The following UNC5B variants were observed in gnomAD, a reference collection of about 807,000 sequenced individuals.
UNC5B encodes the protein unc-5 netrin receptor B, also known as netrin receptor UNC5B.
A neutral mutation model predicts 103.7 loss-of-function variants in UNC5B; 56 were observed. The ratio of observed to expected loss-of-function variants is 0.54; its 90% confidence interval spans 0.44 to 0.67. The LOEUF (loss-of-function observed/expected upper bound fraction) is 0.67, where lower values mean the gene tolerates loss of function less well. Among genes scored for constraint, UNC5B ranks in the 30% least tolerant of loss-of-function variants. The pLI is 0.00. For synonymous variants in UNC5B, 577 were observed against 542.0 expected, an observed-to-expected ratio of 1.06 and a Z score of -0.90; for missense variants, 1,194 against 1,284.5, an observed-to-expected ratio of 0.93 and a Z score of 1.08.
At chr10:71,223,465 T>C (rs1305766694) in intron 1 of UNC5B, among the ~76,000 whole-genome samples, 1 of 152,156 alleles carries the variant, frequency 6.6e-6, no homozygotes, top group Non-Finnish European at 1.5e-5. Flanking sequence ...CTTGCTTTCT[T>C]TGAGCACTTA....
intron 1 of UNC5B, among the ~76,000 whole-genome samples, chr10:71,241,583 T>C (rs1182136207): frequency 6.6e-6 from 1 of 152,054 alleles, no homozygotes; most frequent in Non-Finnish European, 1.5e-5. Context: ...ATCGGGCACA[T>C]CTAGCTCTGT....
chr10:71,298,647 T>G (rs915968544), intron 16 of UNC5B, among the ~76,000 whole-genome samples: 43 of 152,050 alleles, frequency 2.8e-4, no homozygotes, highest in Non-Finnish European at 4.4e-5. Context: ...GATAAGACAT[T>G]TTACTAGAAA....
At position 71,258,210 on chromosome 10, in the gene UNC5B, T is replaced by G. The variant is rs572409289; in HGVS notation, c.80-21611T>G. Among the ~76,000 whole-genome samples the G allele has an allele frequency of 9.3e-4, 142 of 152,288 alleles. 2 individuals carry two copies. The highest frequency in any genetic ancestry group is 8.2e-3 in the Admixed American group (125 of 15,302). On this transcript the variant is annotated intron_variant, in intron 1 of 16. Transcript: ENST00000335350. ...CTCTATCCTGCGGATGTTGGGCTCT[T>G]TCCACTGAGTAAGGTTCCCTCACTC...
intron 1 of UNC5B, among the ~76,000 whole-genome samples, chr10:71,248,365 G>GC (rs1054170763): frequency 3.3e-5 from 5 of 152,120 alleles, no homozygotes; most frequent in Admixed American, 3.3e-4. Context: ...CTGGAGAAAA[G>GC]CCCCCCGCAC....
At position 71,213,012 on chromosome 10, in the gene UNC5B, C is replaced by T. The variant is rs1843258916; in HGVS notation, c.27C>T (p.Gly9=). The part of the protein sequence containing the change: MGARSGAR[G]ALLLALLLCW... ...TGGGGGCCCGGAGCGGAGCTCGGGG[C>T]GCGCTGCTGCTGGCACTGCTGCTCT... The change falls in exon 1 of 17, where the codon GGC becomes GGT. Residue 9 remains glycine, a synonymous_variant. Coordinates refer to ENST00000335350, the MANE Select transcript of UNC5B (RefSeq NM_170744.5). This position sits in a 1 kb window ranked among gnomAD's most constrained non-coding sequence, Gnocchi z 4.1. The T allele has an allele frequency of 4.2e-6, 6 of 1,413,822 alleles. No individual in the cohort carries two copies. Among genetic ancestry groups the T allele is most frequent in the East Asian group, 2.8e-5 (1 of 36,026 alleles). The allele number at this position is 1,413,822 out of a possible 1,614,324, so 87.6% of individuals were successfully genotyped here.
chr10:71,238,145 G>GC (rs1201941044), intron 1 of UNC5B, among the ~76,000 whole-genome samples: 1 of 152,150 alleles, frequency 6.6e-6, no homozygotes, highest in Non-Finnish European at 1.5e-5. Context: ...GGTGCTGGGA[G>GC]CCCCCCTGCC....
chr10:71,292,549 T>C lies in UNC5B; in HGVS notation c.1767T>C (p.Ser589=). ...ATCTACTCATCAACAAGGCAGAAAG[T>C]ACCCTGTGAGTAGAGCCCCAGCCGC... ...EMYLLINKAE[S]TLPLSEGTQT... Residue 589 remains serine, a synonymous_variant, in exon 11 of 17, where the codon AGT becomes AGC. Coordinates refer to ENST00000335350, the MANE Select transcript of UNC5B (RefSeq NM_170744.5). 1.2e-6 allele frequency: 2 copies of C among 1,601,284 alleles called. No individual in the cohort carries two copies. The highest frequency in any genetic ancestry group is 1.7e-6 in the Non-Finnish European group (2 of 1,173,904).
At chr10:71,242,217 CTG>C (rs10567250) in intron 1 of UNC5B, among the ~76,000 whole-genome samples, 2,498 of 152,312 alleles carry the variant, frequency 0.016, 71 homozygotes, top group African/African-American at 0.056. Flanking sequence ...GGCCCAGACC[CTG>C]TGTCTGTTAC....
At chr10:71,274,389 A>G (rs1844719180) in intron 1 of UNC5B, among the ~76,000 whole-genome samples, 2 of 152,242 alleles carry the variant, frequency 1.3e-5, no homozygotes, top group South Asian at 4.1e-4. Context: ...TAAAATAGAA[A>G]TTAGAAGTCT....
At chr10:71,223,637 G>A (rs1843493804) in intron 1 of UNC5B, among the ~76,000 whole-genome samples, 1 of 152,168 alleles carries the variant, frequency 6.6e-6, no homozygotes, top group Admixed American at 6.5e-5. Flanking sequence ...TAGACTGGCA[G>A]ACACTTGCTG....
intron 3 of UNC5B, among the ~76,000 whole-genome samples, 175 bp downstream of exon 3, chr10:71,285,038 A>T (rs1202453523): frequency 6.6e-6 from 1 of 152,126 alleles, no homozygotes; most frequent in African/African-American, 2.4e-5. Flanking sequence ...TAGACCCAGA[A>T]CCTAGGCCTC....
rs531794055 is a variant in UNC5B, at chr10:71,286,774, G to C, written c.638G>C (p.Arg213Pro). ...ACCATCGACCACAACCTCATCATCC[G>C]CCAGGCCCGCCTGTCGGACACTGCC... ...LLTIDHNLIIRQARLSDTANY... is the reference protein window; with the variant it reads ...LLTIDHNLIIPQARLSDTANY... Residue 213 changes from arginine to proline, a missense_variant, in exon 5 of 17, where the codon CGC becomes CCC. Transcript: ENST00000335350. 6.2e-7 allele frequency: 1 copy of C among 1,614,022 alleles called. No homozygotes were observed. The highest frequency in any genetic ancestry group is 8.5e-7 in the Non-Finnish European group (1 of 1,180,028).
intron 1 of UNC5B, among the ~76,000 whole-genome samples, chr10:71,249,086 G>A (rs1332771764): frequency 6.6e-6 from 1 of 152,176 alleles, no homozygotes. Context: ...GTCCCATTCT[G>A]TGTCCAAGCT....
At chr10:71,230,586 A>G (rs1843662811) in intron 1 of UNC5B, among the ~76,000 whole-genome samples, 1 of 152,198 alleles carries the variant, frequency 6.6e-6, no homozygotes, top group South Asian at 2.1e-4. Flanking sequence ...GGCCCTGGGT[A>G]TGTGGGCCTC....
chr10:71,232,159 T>C (rs986007698), intron 1 of UNC5B, among the ~76,000 whole-genome samples: 9 of 152,232 alleles, frequency 5.9e-5, no homozygotes, highest in Admixed American at 3.9e-4. Context: ...CCATCTCCGA[T>C]GACTGCCCAG....
chr10:71,265,071 C>T (rs1238240088), intron 1 of UNC5B, among the ~76,000 whole-genome samples: 1 of 151,808 alleles, frequency 6.6e-6, no homozygotes, highest in Non-Finnish European at 1.5e-5. Flanking sequence ...GTAACTTAAT[C>T]TCCCTGTGCC....
chr10:71,268,398 A>G lies in UNC5B; in HGVS notation c.80-11423A>G, dbSNP rs553540820. Among the ~76,000 whole-genome samples, 59 of 152,224 alleles carry G rather than the reference A, an allele frequency of 3.9e-4. No individual in the cohort carries two copies. The South Asian group carries it at 0.012, about 32-fold the overall frequency. ...GATAGGAGTGACGCTGCAGCCACAGACTGTTTGTTTGCCCTTGCACAAGTC... is the reference window on the plus strand; with the variant it reads ...GATAGGAGTGACGCTGCAGCCACAGGCTGTTTGTTTGCCCTTGCACAAGTC... On this transcript the variant is annotated intron_variant, in intron 1 of 16. Coordinates refer to ENST00000335350, the MANE Select transcript of UNC5B (RefSeq NM_170744.5).
chr10:71,251,311 C>T lies in UNC5B; in HGVS notation c.80-28510C>T, dbSNP rs75013499. On this transcript the variant is annotated intron_variant, in intron 1 of 16. Coordinates refer to ENST00000335350, the MANE Select transcript of UNC5B (RefSeq NM_170744.5). ...TGATGTGTCTTTCTGAGACTGGTTC[C>T]TACAGCTGTAGTCTTTGTATGTCTT... is the stretch of plus-strand genomic sequence containing the variant. Among the ~76,000 whole-genome samples the T allele has an allele frequency of 3.3e-4, 51 of 152,328 alleles. No individual in the cohort carries two copies. In the East Asian group the frequency reaches 8.5e-3, roughly 25 times the overall value.
intron 15 of UNC5B, among the ~76,000 whole-genome samples, chr10:71,297,509 G>T (rs539732138): frequency 1.3e-5 from 2 of 152,350 alleles, no homozygotes; most frequent in Non-Finnish European, 2.9e-5. Flanking sequence ...AAGAGCACTG[G>T]ATACAGGTCT....
Sources: gnomAD v4.1 joint callset for allele counts (sites outside exome capture counted in the v4.1 genomes callset) on GRCh38, gnomAD v4.1.1 for gene constraint, Gnocchi (gnomAD v3.1) non-coding constraint, MANE v1.5 for transcripts, NCBI Gene and HGNC (gene_info 2026-07-23, HGNC 2026-07-21) for gene names.